The following TMEM92 variants were observed in gnomAD, a reference collection of about 807,000 sequenced individuals.
TMEM92 encodes transmembrane protein 92.
In TMEM92, 15 loss-of-function variants were observed where a neutral mutation model predicts 14.6. The ratio of observed to expected loss-of-function variants is 1.03; its 90% confidence interval spans 0.69 to 1.58. TMEM92 has a LOEUF of 1.58. Ranked by LOEUF, TMEM92 falls within the 40% of genes most tolerant of loss-of-function variation. TMEM92 has a pLI of 0.00. For missense variants in TMEM92, 174 were observed against 202.4 expected, an observed-to-expected ratio of 0.86 and a Z score of 0.85; for synonymous variants, 85 against 83.3, an observed-to-expected ratio of 1.02 and a Z score of -0.11.
chr17:50,276,116 G>C (rs1910422486), intron 1 of TMEM92, among the ~76,000 whole-genome samples: 1 of 151,978 alleles, frequency 6.6e-6, no homozygotes, highest in African/African-American at 2.4e-5. Flanking sequence ...GGGCAACAGA[G>C]CTAGACTCCA....
intron 1 of TMEM92, among the ~76,000 whole-genome samples, chr17:50,276,276 C>T (rs1040046277): frequency 6.6e-6 from 1 of 152,200 alleles, no homozygotes; most frequent in African/African-American, 2.4e-5. Flanking sequence ...AGGCACCGCA[C>T]CCAGCCTGTC....
At position 50,280,638 on chromosome 17, in the gene TMEM92, G is replaced by A. The variant is rs1425657266; in HGVS notation, c.*1330G>A. On this transcript the variant is annotated 3_prime_UTR_variant, in exon 5 of 5. Coordinates refer to ENST00000507382, the MANE Select transcript of TMEM92 (RefSeq NM_153229.3). ...AGGATTGGAGGTAGAACTGGCCCTG[G>A]TATGCCAACAGGGGTGCCTCTTTTA... 3 of 152,264 alleles carry A rather than the reference G, an allele frequency of 2.0e-5. No individual in the cohort carries two copies. The highest frequency in any genetic ancestry group is 6.5e-5 in the Admixed American group (1 of 15,278). The allele number at this position is 152,264 out of a possible 1,614,324, so 9.4% of individuals were successfully genotyped here.
At chr17:50,274,271 C>A (rs968237287), upstream of TMEM92, among the ~76,000 whole-genome samples, 1 of 152,160 alleles carries the variant, frequency 6.6e-6, no homozygotes, top group Admixed American at 6.5e-5. Context: ...CCCGGGACCG[C>A]TTTTTTAAAA....
chr17:50,274,714 T>TGTGGAG (rs748373653), intron 1 of TMEM92, 144 bp downstream of exon 1: 28 of 781,026 alleles, frequency 3.6e-5, no homozygotes, highest in Admixed American at 1.4e-4. Flanking sequence ...CTCTCTTTGC[T>TGTGGAG]GTGGAGGTGG....
chr17:50,278,484 G>C (rs1598330321), intron 2 of TMEM92, 72 bp from the exon 3 acceptor site: 1 of 1,564,080 alleles, frequency 6.4e-7, no homozygotes, highest in Admixed American at 1.7e-5. Flanking sequence ...TTTTGGGGAG[G>C]CTGGGATCCT....
At chr17:50,271,735 G>A (rs998560918), upstream of TMEM92, among the ~76,000 whole-genome samples, 1 of 152,192 alleles carries the variant, frequency 6.6e-6, no homozygotes, top group Admixed American at 6.5e-5. Context: ...TTTAGCATAA[G>A]TATGTCTCAA....
upstream of TMEM92, among the ~76,000 whole-genome samples, chr17:50,273,230 T>C (rs1010953884): frequency 6.6e-6 from 1 of 152,156 alleles, no homozygotes; most frequent in Non-Finnish European, 1.5e-5. Flanking sequence ...CTGGCTGCAC[T>C]GCTCCTGCCT....
chr17:50,273,575 T>A (rs1173055230), upstream of TMEM92, among the ~76,000 whole-genome samples: 2 of 152,184 alleles, frequency 1.3e-5, no homozygotes, highest in African/African-American at 4.8e-5. Context: ...CAACACCTCC[T>A]GTAGGATTTC....
intron 4 of TMEM92, 91 bp from the exon 5 acceptor site, chr17:50,279,104 C>T (rs1052507482): frequency 1.6e-4 from 232 of 1,463,092 alleles, no homozygotes; most frequent in Non-Finnish European, 2.1e-4. Flanking sequence ...ATTGGGTCAC[C>T]CCTCTCCCTG....
At position 50,277,567 on chromosome 17, in the gene TMEM92, A is replaced by G. The variant is rs558643459; in HGVS notation, c.70-148A>G. On this transcript the variant is annotated intron_variant, in intron 1 of 4. Transcript: ENST00000507382. ...AAGCACTGACCTGGGAACACGGTGG[A>G]GTGAGGTGGGGGGTGGCTTGCAGGA... 7.0e-6 allele frequency: 6 copies of G among 861,686 alleles called. No homozygotes were observed. The African/African-American group carries it at 8.3e-5, about 12-fold the overall frequency. The allele number at this position is 861,686 out of a possible 1,614,324, so 53.4% of individuals were successfully genotyped here.
chr17:50,273,656 G>A (rs879669028), upstream of TMEM92, among the ~76,000 whole-genome samples: 4 of 152,174 alleles, frequency 2.6e-5, no homozygotes, highest in Non-Finnish European at 5.9e-5. Context: ...GAAATCTCAG[G>A]GCACTCTGAA....
intron 2 of TMEM92, 109 bp from the exon 3 acceptor site, chr17:50,278,447 G>T: frequency 7.8e-7 from 1 of 1,273,892 alleles, no homozygotes; most frequent in Admixed American, 1.8e-5. Flanking sequence ...CTAAGGGGTG[G>T]CTTGTGCCAT....
chr17:50,271,794 T>C (rs1910254197), upstream of TMEM92, among the ~76,000 whole-genome samples: 1 of 152,152 alleles, frequency 6.6e-6, no homozygotes, highest in African/African-American at 2.4e-5. Flanking sequence ...ATCCCAACAC[T>C]TTGGGAGGCC....
At position 50,274,585 on chromosome 17, in the gene TMEM92, T is replaced by G. The variant is rs1598328764; in HGVS notation, c.69+15T>G. 6.2e-7 allele frequency: 1 copy of G among 1,610,900 alleles called. No individual in the cohort carries two copies. Among genetic ancestry groups the G allele is most frequent in the Non-Finnish European group, 8.5e-7 (1 of 1,178,482 alleles). Reference sequence around the variant, plus strand: ...GCCCCCAAAAGGTGAGACTGGGAGGTAAGGTTGTTGAACTTTTGGGCCCTA... The same window carrying G: ...GCCCCCAAAAGGTGAGACTGGGAGGGAAGGTTGTTGAACTTTTGGGCCCTA... On this transcript the variant is annotated intron_variant, in intron 1 of 4. Coordinates refer to ENST00000507382, the MANE Select transcript of TMEM92 (RefSeq NM_153229.3).
intron 2 of TMEM92, 83 bp from the exon 3 acceptor site, chr17:50,278,473 A>G (rs1910501265): frequency 6.6e-7 from 1 of 1,509,172 alleles, no homozygotes; most frequent in Non-Finnish European, 9.1e-7. Context: ...TCTTGGGTGT[A>G]TTTTGGGGAG....
In TMEM92 at chr17:50,278,800, G is replaced by A. The variant is rs748601762; in HGVS notation, c.171-1G>A. On this transcript the variant is annotated splice_acceptor_variant, in intron 3 of 4. Transcript: ENST00000507382. LOFTEE classifies it high-confidence loss of function. ...GGTACTCTTGGTGGTCCCCACCCCA[G>A]GATCTTCGTCATCATCTTCCTGGTC... 4.4e-6 allele frequency: 7 copies of A among 1,608,384 alleles called. No homozygotes were observed. The highest frequency in any genetic ancestry group is 5.9e-6 in the Non-Finnish European group (7 of 1,177,400).
At position 50,279,521 on chromosome 17, in the gene TMEM92, AC is replaced by A. The variant is rs953673259; in HGVS notation, c.*219del. On this transcript the variant is annotated 3_prime_UTR_variant, in exon 5 of 5. Transcript: ENST00000507382. ...TAGGCTGGAGTGACAGTTTCCGCCC[AC>A]CCCCCAGCCCAAGAAAGAGGCTGCC... is the stretch of plus-strand genomic sequence containing the variant. 2.1e-4 allele frequency: 107 copies of A among 514,928 alleles called. No individual in the cohort carries two copies. Among genetic ancestry groups the A allele is most frequent in the Non-Finnish European group, 3.2e-4 (93 of 290,832 alleles). The allele number at this position is 514,928 out of a possible 1,614,324, so 31.9% of individuals were successfully genotyped here.
chr17:50,273,037 G>T (rs917466116), upstream of TMEM92, among the ~76,000 whole-genome samples: 3 of 151,134 alleles, frequency 2.0e-5, no homozygotes, highest in African/African-American at 7.3e-5. Context: ...AGGGTGAGAG[G>T]CAGAGAGCAA....
chr17:50,278,693 G>A, intron 3 of TMEM92, 63 bp downstream of exon 3: 1 of 1,590,374 alleles, frequency 6.3e-7, no homozygotes, highest in Non-Finnish European at 8.6e-7. Flanking sequence ...GTGTGGACAA[G>A]GCCAGGCACC....
Sources: allele counts gnomAD v4.1 joint callset (sites outside exome capture counted in the v4.1 genomes callset), GRCh38; gene constraint gnomAD v4.1.1; transcripts MANE v1.5; gene names NCBI Gene and HGNC (gene_info 2026-07-23, HGNC 2026-07-21).